Variants in CRPPA observed in about 807,000 individuals in gnomAD.
CRPPA encodes the protein CDP-L-ribitol pyrophosphorylase A, also known as D-ribitol-5-phosphate cytidylyltransferase.
Under a neutral mutation model 52.0 loss-of-function variants are expected in CRPPA, and 43 were observed. That is an observed-to-expected ratio of 0.83 (90% confidence interval 0.65 to 1.07). The LOEUF (loss-of-function observed/expected upper bound fraction) is 1.07, where lower values mean the gene tolerates loss of function less well. Ranked by LOEUF, CRPPA falls within the 50% of genes least tolerant of loss-of-function variation. CRPPA has a pLI of 0.00. For synonymous variants in CRPPA, 250 were observed against 203.5 expected (o/e 1.23, Z -1.94); for missense variants, 629 against 551.7 (o/e 1.14, Z -1.40).
chr7:16,127,796 T>C (rs1782607363), intron 9 of CRPPA, among the ~76,000 whole-genome samples: 1 of 152,124 alleles, frequency 6.6e-6, no homozygotes. Flanking sequence ...GATACAAAAA[T>C]AATAAATCAC....
intron 3 of CRPPA, among the ~76,000 whole-genome samples, chr7:16,360,458 T>A (rs1298851017): frequency 6.6e-6 from 1 of 152,146 alleles, no homozygotes; most frequent in East Asian, 1.9e-4. Context: ...CTTCCTCATT[T>A]CAAATGTTAC....
At chr7:16,174,142 G>A (rs544082285) in intron 9 of CRPPA, among the ~76,000 whole-genome samples, 2 of 152,244 alleles carry the variant, frequency 1.3e-5, no homozygotes, top group East Asian at 1.9e-4. Flanking sequence ...GCCACAAACT[G>A]TATGATTCCA....
chr7:16,231,527 T>C (rs1782796905), intron 8 of CRPPA, among the ~76,000 whole-genome samples: 1 of 152,214 alleles, frequency 6.6e-6, no homozygotes, highest in Non-Finnish European at 1.5e-5. Flanking sequence ...TACACATCCA[T>C]ACTGCAAAGG....
At chr7:16,223,921 T>C (rs1478538810) in intron 8 of CRPPA, among the ~76,000 whole-genome samples, 6 of 152,150 alleles carry the variant, frequency 3.9e-5, no homozygotes, top group African/African-American at 1.2e-4. Context: ...ATTCACTAAA[T>C]AGAATTACAG....
chr7:16,254,720 T>G (rs1562588355), intron 8 of CRPPA, among the ~76,000 whole-genome samples: 1 of 146,974 alleles, frequency 6.8e-6, no homozygotes, highest in Non-Finnish European at 1.5e-5. Context: ...ACAGGTACCC[T>G]AGATCTTAAA....
chr7:16,102,837 A>T (rs1353599562), intron 9 of CRPPA, among the ~76,000 whole-genome samples: 2 of 152,224 alleles, frequency 1.3e-5, no homozygotes, highest in African/African-American at 2.4e-5. Context: ...AGAAATAGGA[A>T]CACTTTTACA....
intron 9 of CRPPA, among the ~76,000 whole-genome samples, chr7:16,215,363 A>G (rs1047510014): frequency 4.6e-5 from 7 of 152,216 alleles, no homozygotes; most frequent in Admixed American, 3.9e-4. Flanking sequence ...AGATTCTCCA[A>G]ATTTTTAACC....
At chr7:16,112,066 G>A (rs1000794238) in intron 9 of CRPPA, among the ~76,000 whole-genome samples, 3 of 152,120 alleles carry the variant, frequency 2.0e-5, no homozygotes, top group Non-Finnish European at 4.4e-5. Context: ...TGTAATCCCA[G>A]CACTTTGGGA....
chr7:16,112,959 T>C (rs1782297286), intron 9 of CRPPA, among the ~76,000 whole-genome samples: 1 of 151,928 alleles, frequency 6.6e-6, no homozygotes, highest in African/African-American at 2.4e-5. Context: ...TAAAAATCTA[T>C]GAAAAACAGA....
At chr7:16,245,631 A>G (rs1240863509) in intron 8 of CRPPA, among the ~76,000 whole-genome samples, 1 of 152,218 alleles carries the variant, frequency 6.6e-6, no homozygotes, top group African/African-American at 2.4e-5. Flanking sequence ...AATAATGCTC[A>G]TAATATCACC....
At chr7:16,170,997 A>C (rs531122623) in intron 9 of CRPPA, among the ~76,000 whole-genome samples, 2 of 152,318 alleles carry the variant, frequency 1.3e-5, no homozygotes, top group African/African-American at 2.4e-5. Context: ...CTCCAGCCTT[A>C]GCCAGCCCAG....
intron 3 of CRPPA, among the ~76,000 whole-genome samples, chr7:16,322,541 A>G (rs1306830921): frequency 6.6e-6 from 1 of 152,196 alleles, no homozygotes; most frequent in African/African-American, 2.4e-5. Flanking sequence ...GAGGGTGTAG[A>G]TGAAATCCAG....
At chr7:16,161,194 G>T (rs1280705186) in intron 9 of CRPPA, among the ~76,000 whole-genome samples, 5 of 151,960 alleles carry the variant, frequency 3.3e-5, no homozygotes, top group African/African-American at 4.8e-5. Flanking sequence ...TTGCCTCTTT[G>T]CCCTGGCCAG....
Position 16,166,968 on chromosome 7 carries a change from G to A in CRPPA, c.1251+49098C>T, listed in dbSNP as rs530637243. On this transcript the variant is annotated intron_variant, in intron 9 of 9. Coordinates refer to ENST00000407010, the MANE Select transcript of CRPPA (RefSeq NM_001101426.4). ...TTTTGAGATGGAGTCTCGTGCTTTC[G>A]CCCAGGCTGGAGTGCAGTGGTGCGA... Among the ~76,000 whole-genome samples, 6 of 141,488 alleles carry A rather than the reference G, an allele frequency of 4.2e-5. No individual in the cohort carries two copies. In the East Asian group the frequency reaches 8.3e-4, roughly 20 times the overall value. The allele number at this position is 141,488 out of a possible 152,430, so 92.8% of individuals were successfully genotyped here. A position where few individuals can be genotyped will look rare whatever the true frequency, so the allele number is the denominator to read the frequency against.
chr7:16,326,830 C>T (rs1168636276), intron 3 of CRPPA, among the ~76,000 whole-genome samples: 1 of 152,106 alleles, frequency 6.6e-6, no homozygotes. Context: ...AACAAACTTC[C>T]TTCCCTGATA....
At chr7:16,278,283 G>T in intron 5 of CRPPA, 57 bp from the exon 6 acceptor site, 1 of 850,070 alleles carries the variant, frequency 1.2e-6, no homozygotes, top group Non-Finnish European at 1.8e-6. Context: ...CAAGGCCCTA[G>T]GATGCTGAAA....
At chr7:16,121,681 T>C (rs1782483740) in intron 9 of CRPPA, among the ~76,000 whole-genome samples, 1 of 152,112 alleles carries the variant, frequency 6.6e-6, no homozygotes, top group African/African-American at 2.4e-5. Context: ...TTATAGTTTA[T>C]ATTGTCACAC....
At chr7:16,309,516 A>G (rs1481018688) in intron 3 of CRPPA, among the ~76,000 whole-genome samples, 1 of 152,214 alleles carries the variant, frequency 6.6e-6, no homozygotes, top group African/African-American at 2.4e-5. Context: ...GATCTCCAAC[A>G]GCAGAATAAA....
intron 9 of CRPPA, among the ~76,000 whole-genome samples, chr7:16,158,443 AC>A (rs1783234094): frequency 2.0e-5 from 3 of 152,318 alleles, no homozygotes; most frequent in Non-Finnish European, 4.4e-5. Context: ...GAATACAGTT[AC>A]TTTAGGAAAA....
Sources: allele counts gnomAD v4.1 joint callset (sites outside exome capture counted in the v4.1 genomes callset), GRCh38; gene constraint gnomAD v4.1.1; transcripts MANE v1.5; gene names NCBI Gene and HGNC (gene_info 2026-07-23, HGNC 2026-07-21).